XRN2: variants seen among roughly 807,000 people sequenced by gnomAD.
XRN2 encodes DHM1-like protein.
XRN2 carries 44 observed loss-of-function variants against 138.5 expected under a neutral mutation model. The observed-to-expected ratio is 0.32, with a 90% confidence interval of 0.25 to 0.41. The LOEUF (loss-of-function observed/expected upper bound fraction) is 0.41, where lower values mean the gene tolerates loss of function less well. Among genes scored for constraint, XRN2 ranks in the 10% least tolerant of loss-of-function variants. The pLI, the probability that XRN2 is intolerant of heterozygous loss-of-function variation, is 1.00. For synonymous variants in XRN2, 354 were observed against 369.4 expected, an observed-to-expected ratio of 0.96 and a Z score of 0.48; for missense variants, 937 against 1,169.3, an observed-to-expected ratio of 0.80 and a Z score of 2.90.
intron 1 of XRN2, among the ~76,000 whole-genome samples, chr20:21,322,250 T>C (rs905862320): frequency 7.9e-5 from 12 of 152,204 alleles, no homozygotes; most frequent in Non-Finnish European, 1.5e-4. Flanking sequence ...TAACGTCGTA[T>C]AAAAATGAAG....
intron 1 of XRN2, among the ~76,000 whole-genome samples, chr20:21,310,315 G>A (rs2037862348): frequency 6.6e-6 from 1 of 152,162 alleles, no homozygotes; most frequent in Admixed American, 6.5e-5. Context: ...TTTGAGGTCT[G>A]TTGAAGTTTA....
At chr20:21,353,795 A>T (rs868375698) in intron 20 of XRN2, among the ~76,000 whole-genome samples, 2 of 15,606 alleles carry the variant, frequency 1.3e-4, no homozygotes, top group African/African-American at 2.5e-4. Context: ...ACCCTATCTT[A>T]AAAAAAAAAA....
At chr20:21,379,274 G>T (rs969034811) in intron 27 of XRN2, among the ~76,000 whole-genome samples, 1 of 152,084 alleles carries the variant, frequency 6.6e-6, no homozygotes, top group Admixed American at 6.6e-5. Context: ...TCTCAAATGG[G>T]TCTTCTGTTA....
Position 21,306,159 on chromosome 20 carries a change from C to G in XRN2, c.75+2686C>G, listed in dbSNP as rs140852428. ...GTTTTTTTTTTCTTCTTCTTTGAGA[C>G]GGAGTCTAGCTCTGTCACCCAGGCA... On this transcript the variant is annotated intron_variant, in intron 1 of 29. Transcript: ENST00000377191. Among the ~76,000 whole-genome samples, 337 of 72,056 alleles carry G rather than the reference C, an allele frequency of 4.7e-3. 98 individuals are homozygous for G. Among genetic ancestry groups the G allele is most frequent in the African/African-American group, 0.012 (319 of 26,064 alleles). The allele number at this position is 72,056 out of a possible 152,430, so 47.3% of individuals were successfully genotyped here.
chr20:21,316,017 C>T (rs961419899), intron 1 of XRN2, among the ~76,000 whole-genome samples: 1 of 152,132 alleles, frequency 6.6e-6, no homozygotes, highest in South Asian at 2.1e-4. Context: ...CTTTGGGAGG[C>T]TGAGGTGGGC....
At chr20:21,367,990 A>G (rs182436316) in intron 26 of XRN2, among the ~76,000 whole-genome samples, 63 of 152,296 alleles carry the variant, frequency 4.1e-4, no homozygotes, top group African/African-American at 1.5e-3. Context: ...AATGAGAGAA[A>G]TGGTTTAGTA....
rs2038834045 is a variant in XRN2, at chr20:21,377,264, C to CTTTTTTTTCTTTT, written c.2585-4722_2585-4721insCTTTTTTTTTTTT. Reference sequence around the variant, plus strand: ...CCAACATATGATTTGTCGGTTTTTTCTTTTTTTTTTTTTTGGTCAGTCTTG... The same window carrying CTTTTTTTTCTTTT: ...CCAACATATGATTTGTCGGTTTTTTCTTTTTTTTCTTTTTTTTTTTTTTTTTTGGTCAGTCTTG... On this transcript the variant is annotated intron_variant, in intron 27 of 29. Transcript: ENST00000377191. 7.2e-5 allele frequency among the ~76,000 whole-genome samples: 6 copies of CTTTTTTTTCTTTT among 82,782 alleles called. 1 individual carries two copies. The highest frequency in any genetic ancestry group is 1.0e-4 in the Non-Finnish European group (5 of 47,782). 54.3% of individuals were successfully genotyped at this position (82,782 alleles called of 152,430 possible).
At chr20:21,379,563 A>G (rs1465640986) in intron 27 of XRN2, among the ~76,000 whole-genome samples, 1 of 152,188 alleles carries the variant, frequency 6.6e-6, no homozygotes, top group Non-Finnish European at 1.5e-5. Flanking sequence ...GTATGTGCTG[A>G]GTTTATATGG....
intron 27 of XRN2, among the ~76,000 whole-genome samples, chr20:21,375,983 C>T (rs1051052694): frequency 2.6e-5 from 4 of 151,556 alleles, no homozygotes; most frequent in African/African-American, 4.8e-5. Flanking sequence ...GGACTACAGG[C>T]GCCCGCCACT....
intron 26 of XRN2, 138 bp from the exon 27 acceptor site, chr20:21,368,325 C>T: frequency 2.0e-6 from 2 of 1,004,428 alleles, no homozygotes; most frequent in Non-Finnish European, 2.7e-6. Context: ...AATTATAAAC[C>T]ACCTTTTTGT....
chr20:21,384,742 C>T (rs538910774), intron 28 of XRN2, among the ~76,000 whole-genome samples: 1 of 152,312 alleles, frequency 6.6e-6, no homozygotes, highest in East Asian at 1.9e-4. Context: ...ATCTGCCTGC[C>T]TCGGCCTCCT....
intron 21 of XRN2, among the ~76,000 whole-genome samples, chr20:21,355,293 A>T (rs2038562571): frequency 6.6e-6 from 1 of 152,200 alleles, no homozygotes; most frequent in Non-Finnish European, 1.5e-5. Context: ...ATATGCTCTT[A>T]GAGTGCTAAC....
intron 1 of XRN2, among the ~76,000 whole-genome samples, chr20:21,323,123 G>A (rs955841271): frequency 6.6e-6 from 1 of 152,202 alleles, no homozygotes; most frequent in Non-Finnish European, 1.5e-5. Flanking sequence ...CCTCCTCTCT[G>A]GGCCTAGAGC....
At chr20:21,373,617 G>C (rs1030067540) in intron 27 of XRN2, among the ~76,000 whole-genome samples, 18 of 152,316 alleles carry the variant, frequency 1.2e-4, no homozygotes, top group South Asian at 2.1e-4. Flanking sequence ...AGTTCTGGTT[G>C]CTTCATGTTG....
chr20:21,303,709 C>G, intron 1 of XRN2: 1 of 1,256,578 alleles, frequency 8.0e-7, no homozygotes, highest in Non-Finnish European at 1.0e-6. Context: ...GGGTTCCGAA[C>G]TCGCAGGAGG....
At chr20:21,342,758 TATC>T (rs1400825223) in intron 15 of XRN2, among the ~76,000 whole-genome samples, 1 of 152,180 alleles carries the variant, frequency 6.6e-6, no homozygotes, top group African/African-American at 2.4e-5. Flanking sequence ...AACAGAACGT[TATC>T]ATCCCCATTT....
chr20:21,377,334 T>C (rs889504226), intron 27 of XRN2, among the ~76,000 whole-genome samples: 1 of 130,900 alleles, frequency 7.6e-6, no homozygotes, highest in Non-Finnish European at 1.5e-5. Flanking sequence ...CTCAGCTCGC[T>C]ATACCTCTGC....
At chr20:21,349,495 T>C in intron 20 of XRN2, 34 bp downstream of exon 20, 1 of 1,403,860 alleles carries the variant, frequency 7.1e-7, no homozygotes, top group Non-Finnish European at 1.0e-6. Flanking sequence ...GGTAAAACTG[T>C]GAACAAACAT....
chr20:21,329,878 TGTGTG>T (rs2038180581), intron 4 of XRN2, among the ~76,000 whole-genome samples: 2 of 151,696 alleles, frequency 1.3e-5, no homozygotes, highest in African/African-American at 4.8e-5. Flanking sequence ...TGTGTGTGTG[TGTGTG>T]TGTGTGTGTG....
Sources: allele counts gnomAD v4.1 joint callset (sites outside exome capture counted in the v4.1 genomes callset), GRCh38; gene constraint gnomAD v4.1.1; transcripts MANE v1.5; gene names NCBI Gene and HGNC (gene_info 2026-07-23, HGNC 2026-07-21).